PTPN3: variants seen among roughly 807,000 people sequenced by gnomAD.
PTPN3 encodes the protein protein tyrosine phosphatase non-receptor type 3, also known as tyrosine-protein phosphatase non-receptor type 3.
Under a neutral mutation model 132.7 loss-of-function variants are expected in PTPN3, and 96 were observed. The ratio of observed to expected loss-of-function variants is 0.72; its 90% CI spans 0.61 to 0.86. The LOEUF (loss-of-function observed/expected upper bound fraction) is 0.86, where lower values mean the gene tolerates loss of function less well. Ranked by LOEUF, PTPN3 falls within the 40% of genes least tolerant of loss-of-function variation. The pLI is 0.00. For missense variants in PTPN3, 1,125 were observed against 1,159.6 expected, an observed-to-expected ratio of 0.97 and a Z score of 0.43; for synonymous variants, 398 against 429.0, an observed-to-expected ratio of 0.93 and a Z score of 0.89.
chr9:109,534,635 A>AAG, the PTPN3 span, among the ~76,000 whole-genome samples: 4 of 89,756 alleles, frequency 4.5e-5, no homozygotes, highest in African/African-American at 1.2e-4. Context: ...AAAAATACAA[A>AAG]AAAAAAAAAA....
chr9:109,508,450 G>A, the PTPN3 span, among the ~76,000 whole-genome samples: 9 of 152,146 alleles, frequency 5.9e-5, no homozygotes, highest in Non-Finnish European at 1.2e-4. Flanking sequence ...TTGAGCCACC[G>A]CGCCTGGCCT....
At chr9:109,384,826 TGAAAC>T (rs1839432827) in intron 22 of PTPN3, among the ~76,000 whole-genome samples, 1 of 152,222 alleles carries the variant, frequency 6.6e-6, no homozygotes, top group African/African-American at 2.4e-5. Flanking sequence ...AGTGAATACT[TGAAAC>T]TAAACTATGC....
At chr9:109,420,354 C>T (rs941228054) in intron 14 of PTPN3, 70 bp downstream of exon 14, 11 of 1,489,578 alleles carry the variant, frequency 7.4e-6, no homozygotes, top group Non-Finnish European at 9.0e-6. Context: ...AAATGGCAAC[C>T]TGGACCTGAG....
chr9:109,449,578 G>A, intron 5 of PTPN3: 1 of 985,480 alleles, frequency 1.0e-6, no homozygotes, highest in African/African-American at 1.7e-5. Context: ...GGGGAAAGGA[G>A]GCCTTCGGCA....
Position 109,433,060 on chromosome 9 carries a change from T to C in PTPN3, c.764+13A>G. The C allele has an allele frequency of 6.2e-7, 1 of 1,613,838 alleles. No homozygotes were observed. Among genetic ancestry groups the C allele is most frequent in the Non-Finnish European group, 8.5e-7 (1 of 1,179,880 alleles). On this transcript the variant is annotated intron_variant, in intron 10 of 25. Coordinates refer to ENST00000374541, the MANE Select transcript of PTPN3 (RefSeq NM_002829.4). ...GCATGATTCAGAAAATAATGAGAAC[T>C]GTTTGCACTTACCAAGGATAGAAAC...
chr9:109,416,439 GTTTT>G (rs1564415416), intron 14 of PTPN3, among the ~76,000 whole-genome samples: 1 of 140,268 alleles, frequency 7.1e-6, no homozygotes, highest in Non-Finnish European at 1.6e-5. Flanking sequence ...TTTGTTTTTT[GTTTT>G]TTTGTTTCTT....
the PTPN3 span, chr9:109,533,837 C>A: frequency 1.2e-6 from 1 of 850,752 alleles, no homozygotes; most frequent in Admixed American, 1.9e-5. Context: ...CCCACTCTCG[C>A]TATTCTGGTA....
At chr9:109,456,966 C>A (rs1845598930) in intron 4 of PTPN3, among the ~76,000 whole-genome samples, 1 of 152,086 alleles carries the variant, frequency 6.6e-6, no homozygotes, top group African/African-American at 2.4e-5. Context: ...CCCTTCTTTC[C>A]CACAGCTGGG....
chr9:109,404,525 C>T lies in PTPN3; in HGVS notation c.1876G>A (p.Gly626Ser). 1.9e-6 allele frequency: 3 copies of T among 1,571,282 alleles called. 1 individual carries two copies. The South Asian group carries it at 3.6e-5, about 19-fold the overall frequency. The change falls in exon 19 of 26, where the codon GGT becomes AGT. Residue 626 changes from glycine (G) to serine (S), a missense_variant. By Grantham distance (56) the Gly-to-Ser change is moderately conservative. Transcript: ENST00000374541. ...ATGGATCCCTCCAAAGTGTCCCCAC[C>T]CTCCGGACACATGGGGAAAATGGCT... ...PEAIFPMCPEGGDTLEGSMAQ... is the reference protein window; with the variant it reads ...PEAIFPMCPESGDTLEGSMAQ...
intron 7 of PTPN3, among the ~76,000 whole-genome samples, chr9:109,439,247 T>C (rs1844278592): frequency 2.6e-5 from 4 of 152,102 alleles, no homozygotes; most frequent in Admixed American, 2.6e-4. Context: ...TCCATTTCCC[T>C]TCTCCACAAG....
chr9:109,473,710 G>A (rs1846493950), intron 1 of PTPN3, among the ~76,000 whole-genome samples: 2 of 152,096 alleles, frequency 1.3e-5, no homozygotes, highest in South Asian at 4.1e-4. Flanking sequence ...ATTAAATGAA[G>A]CCATTCAATT....
intron 5 of PTPN3, chr9:109,450,485 C>T (rs10979875): frequency 0.32 from 318,201 of 982,756 alleles, 53,411 homozygotes; most frequent in African/African-American, 0.48. Context: ...AGAAGATAAA[C>T]GTGGAGATCA....
chr9:109,531,427 C>T, the PTPN3 span, among the ~76,000 whole-genome samples: 12 of 152,242 alleles, frequency 7.9e-5, no homozygotes, highest in East Asian at 1.5e-3. Context: ...ATGCCAAAAG[C>T]GTCCTGGGAA....
intron 5 of PTPN3, among the ~76,000 whole-genome samples, chr9:109,451,983 A>T (rs949860269): frequency 3.3e-5 from 5 of 152,198 alleles, no homozygotes; most frequent in African/African-American, 1.2e-4. Context: ...AAAAAAAGGA[A>T]GTAAGGCCGG....
At chr9:109,409,606 T>C (rs1045108086) in intron 16 of PTPN3, among the ~76,000 whole-genome samples, 2 of 151,980 alleles carry the variant, frequency 1.3e-5, no homozygotes, top group African/African-American at 4.8e-5. Context: ...GTGAGTAGAT[T>C]GCCAGGTGTT....
chr9:109,382,873 ACTAC>A (rs1409418276), intron 23 of PTPN3, among the ~76,000 whole-genome samples: 1 of 151,868 alleles, frequency 6.6e-6, no homozygotes, highest in Non-Finnish European at 1.5e-5. Context: ...AGCCATCAGC[ACTAC>A]CTATTTCCAG....
intron 19 of PTPN3, among the ~76,000 whole-genome samples, chr9:109,401,006 T>C (rs1439585358): frequency 6.6e-6 from 1 of 152,168 alleles, no homozygotes; most frequent in African/African-American, 2.4e-5. Flanking sequence ...CCCTACTGGT[T>C]CCATCACAGG....
At chr9:109,423,653 T>C (rs1843037298) in intron 12 of PTPN3, among the ~76,000 whole-genome samples, 1 of 152,210 alleles carries the variant, frequency 6.6e-6, no homozygotes, top group Non-Finnish European at 1.5e-5. Context: ...CTTTGAAATG[T>C]GCTACCCTGA....
chr9:109,408,275 G>C (rs374537433), intron 17 of PTPN3, 46 bp downstream of exon 17: 7 of 1,434,928 alleles, frequency 4.9e-6, no homozygotes, highest in African/African-American at 4.3e-5. Context: ...TAGAATTAGG[G>C]GGAAACAAAC....
Sources: gnomAD v4.1 joint callset for allele counts (sites outside exome capture counted in the v4.1 genomes callset) on GRCh38, gnomAD v4.1.1 for gene constraint, MANE v1.5 for transcripts, NCBI Gene and HGNC (gene_info 2026-07-23, HGNC 2026-07-21) for gene names.